MBNL2: variants seen among roughly 807,000 people sequenced by gnomAD.
The protein encoded by MBNL2 is muscleblind-like protein 2.
A neutral mutation model predicts 41.9 loss-of-function variants in MBNL2; 17 were observed. The ratio of observed to expected loss-of-function variants is 0.41; its 90% CI spans 0.28 to 0.61. MBNL2 has a LOEUF of 0.61. Ranked by LOEUF, MBNL2 falls within the 20% of genes least tolerant of loss-of-function variation. The pLI is 0.35. For missense variants in MBNL2, 336 were observed against 505.6 expected (o/e 0.66, Z 3.22); for synonymous variants, 195 against 182.9 (o/e 1.07, Z -0.53).
At chr13:97,271,055 C>T (rs2050841274) in intron 1 of MBNL2, among the ~76,000 whole-genome samples, 1 of 151,628 alleles carries the variant, frequency 6.6e-6, no homozygotes, top group Non-Finnish European at 1.5e-5. Context: ...TCTGAAACAT[C>T]TTTGCTGTAC....
At chr13:97,252,613 TTATTTTTA>T (rs1183411467) in intron 1 of MBNL2, among the ~76,000 whole-genome samples, 3 of 152,190 alleles carry the variant, frequency 2.0e-5, no homozygotes, top group Non-Finnish European at 4.4e-5. Context: ...TCAAGCTGTC[TTATTTTTA>T]TAAAGTTATT....
chr13:97,375,122 G>A (rs1336141637), intron 8 of MBNL2, among the ~76,000 whole-genome samples: 2 of 152,126 alleles, frequency 1.3e-5, no homozygotes, highest in African/African-American at 4.8e-5. Flanking sequence ...CAAGACTGAG[G>A]CTCCACTTAC....
At position 97,287,721 on chromosome 13, in the gene MBNL2, CTT is replaced by C. The variant is rs768809008; in HGVS notation, c.174+11332_174+11333del. Reference sequence around the variant, plus strand: ...TCTATTTTTTCTTTTCTTTTCTTTTCTTTTTTTTTTTTTTTTTTTTTGAGACA... The same window carrying C: ...TCTATTTTTTCTTTTCTTTTCTTTTCTTTTTTTTTTTTTTTTTTTGAGACA... On this transcript the variant is annotated intron_variant, in intron 2 of 8. Coordinates refer to ENST00000679496, the MANE Select transcript of MBNL2 (RefSeq NM_001382683.1). Among the ~76,000 whole-genome samples the C allele has an allele frequency of 8.9e-3, 1,023 of 114,626 alleles. 4 individuals carry two copies. Among genetic ancestry groups the C allele is most frequent in the African/African-American group, 0.037 (814 of 22,028 alleles). 75.2% of individuals were successfully genotyped at this position (114,626 alleles called of 152,430 possible).
the MBNL2 span, among the ~76,000 whole-genome samples, chr13:97,183,853 A>C: frequency 1.3e-5 from 2 of 152,218 alleles, no homozygotes; most frequent in Admixed American, 1.3e-4. Context: ...TGCTTCCATA[A>C]ACATGCTTCC....
chr13:97,154,475 G>C, the MBNL2 span, among the ~76,000 whole-genome samples: 1 of 151,756 alleles, frequency 6.6e-6, no homozygotes, highest in Admixed American at 6.6e-5. Flanking sequence ...CCACCACACC[G>C]AGCTAATTTT....
the MBNL2 span, among the ~76,000 whole-genome samples, chr13:97,162,587 A>G: frequency 2.6e-5 from 4 of 152,190 alleles, no homozygotes; most frequent in Non-Finnish European, 5.9e-5. Flanking sequence ...AGCAGGTTCT[A>G]AAGCCCTGGG....
intron 2 of MBNL2, among the ~76,000 whole-genome samples, chr13:97,327,757 G>A (rs559824187): frequency 1.3e-5 from 2 of 152,168 alleles, no homozygotes; most frequent in African/African-American, 4.8e-5. Context: ...AGAGATAAAT[G>A]ACCAAAGTTG....
intron 1 of MBNL2, among the ~76,000 whole-genome samples, chr13:97,227,992 A>G (rs2152773461): frequency 6.6e-6 from 1 of 152,360 alleles, no homozygotes; most frequent in East Asian, 1.9e-4. Context: ...ACCAAAGTCT[A>G]CAAGGAGACC....
chr13:97,188,251 G>A, the MBNL2 span, among the ~76,000 whole-genome samples: 3 of 152,170 alleles, frequency 2.0e-5, no homozygotes, highest in South Asian at 6.2e-4. Flanking sequence ...TGCACCGGGG[G>A]CTCGCGATCC....
At chr13:97,356,518 T>G (rs2063000569) in intron 5 of MBNL2, among the ~76,000 whole-genome samples, 1 of 152,210 alleles carries the variant, frequency 6.6e-6, no homozygotes, top group African/African-American at 2.4e-5. Context: ...TATATTTTAC[T>G]CTCTTATATG....
chr13:97,155,584 C>T, the MBNL2 span, among the ~76,000 whole-genome samples: 1 of 146,796 alleles, frequency 6.8e-6, no homozygotes, highest in Non-Finnish European at 1.5e-5. Flanking sequence ...GTGTGATGTT[C>T]CCCTTCCTGT....
chr13:97,226,390 C>T (rs1347835680), intron 1 of MBNL2, among the ~76,000 whole-genome samples: 1 of 152,150 alleles, frequency 6.6e-6, no homozygotes, highest in Non-Finnish European at 1.5e-5. Context: ...GTAGTATATT[C>T]CATCAATCAG....
At chr13:97,247,687 AAAAG>A (rs1342584812) in intron 1 of MBNL2, among the ~76,000 whole-genome samples, 1 of 152,238 alleles carries the variant, frequency 6.6e-6, no homozygotes, top group Non-Finnish European at 1.5e-5. Context: ...TTAAACAGCT[AAAAG>A]AAAGCAGAAT....
the MBNL2 span, among the ~76,000 whole-genome samples, chr13:97,215,894 A>T: frequency 7.4e-3 from 1,127 of 152,344 alleles, 13 homozygotes; most frequent in African/African-American, 0.025. Flanking sequence ...CCTAAGGGCT[A>T]TGATGATGTT....
chr13:97,187,674 A>G, the MBNL2 span, among the ~76,000 whole-genome samples: 25 of 149,054 alleles, frequency 1.7e-4, no homozygotes, highest in Non-Finnish European at 2.5e-4. Context: ...TTGGGAGGCC[A>G]AGGCGGGCAG....
At chr13:97,207,248 G>A in the MBNL2 span, among the ~76,000 whole-genome samples, 3 of 152,204 alleles carry the variant, frequency 2.0e-5, no homozygotes, top group Non-Finnish European at 4.4e-5. Context: ...ATTATTTATT[G>A]AACTTGTTAT....
At chr13:97,224,698 T>G (rs1390991565) in intron 1 of MBNL2, among the ~76,000 whole-genome samples, 1 of 145,820 alleles carries the variant, frequency 6.9e-6, no homozygotes, top group Non-Finnish European at 1.5e-5. Flanking sequence ...TACAAAGGGA[T>G]AAAACCTCGG....
At chr13:97,167,061 A>G in the MBNL2 span, among the ~76,000 whole-genome samples, 1 of 152,196 alleles carries the variant, frequency 6.6e-6, no homozygotes, top group Non-Finnish European at 1.5e-5. Context: ...AATGCCTTGA[A>G]TATTACAGAG....
chr13:97,297,060 A>G lies in MBNL2; in HGVS notation c.174+20651A>G, dbSNP rs74108919. ...TTTGTCCATGTGGTACCATTGAAAG[A>G]GAGTTACTATTTGAAGGTCAAAGTT... is the stretch of plus-strand genomic sequence containing the variant. On this transcript the variant is annotated intron_variant, in intron 2 of 8. Coordinates refer to ENST00000679496, the MANE Select transcript of MBNL2 (RefSeq NM_001382683.1). Among the ~76,000 whole-genome samples the G allele has an allele frequency of 9.8e-3, 1,495 of 152,298 alleles. 25 individuals carry two copies. The highest frequency in any genetic ancestry group is 0.035 in the African/African-American group (1,452 of 41,550).
Sources: gnomAD v4.1 joint callset for allele counts (sites outside exome capture counted in the v4.1 genomes callset) on GRCh38, gnomAD v4.1.1 for gene constraint, MANE v1.5 for transcripts, NCBI Gene and HGNC (gene_info 2026-07-23, HGNC 2026-07-21) for gene names.